PPIH: variants seen among roughly 807,000 people sequenced by gnomAD.
PPIH encodes peptidylprolyl isomerase H.
A neutral mutation model predicts 27.6 loss-of-function variants in PPIH; 16 were observed. The ratio of observed to expected loss-of-function variants is 0.58; its 90% CI spans 0.39 to 0.88. The LOEUF (loss-of-function observed/expected upper bound fraction) is 0.88, where lower values mean the gene tolerates loss of function less well. PPIH is among the 40% of genes least tolerant of loss of function. The pLI is 0.00. For synonymous variants in PPIH, 63 were observed against 76.1 expected (o/e 0.83, Z 0.90); for missense variants, 155 against 224.1 (o/e 0.69, Z 1.97).
chr1:42,661,976 C>T (rs1397947578), intron 5 of PPIH, among the ~76,000 whole-genome samples: 2 of 152,148 alleles, frequency 1.3e-5, no homozygotes, highest in African/African-American at 2.4e-5. Context: ...ATATCTTTGC[C>T]ATTTCACCAG....
At chr1:42,672,620 G>A (rs886586953) in intron 9 of PPIH, among the ~76,000 whole-genome samples, 1 of 151,812 alleles carries the variant, frequency 6.6e-6, no homozygotes, top group Non-Finnish European at 1.5e-5. Flanking sequence ...TTCTGACTTT[G>A]GTTTTAGTGA....
At chr1:42,669,869 G>A (rs969636426) in intron 9 of PPIH, among the ~76,000 whole-genome samples, 1 of 152,022 alleles carries the variant, frequency 6.6e-6, no homozygotes. Flanking sequence ...AGTCTTATTT[G>A]TACATTTATA....
chr1:42,673,906 TAAG>T (rs932138263), intron 9 of PPIH, among the ~76,000 whole-genome samples: 2 of 152,266 alleles, frequency 1.3e-5, no homozygotes, highest in African/African-American at 4.8e-5. Flanking sequence ...TTTGAATGAC[TAAG>T]GTTTAGGAAA....
rs191295669 is a variant in PPIH at position 42,671,209 on chromosome 1, G to A, written c.*21+3769G>A. ...TTTGGGAGGCCGAAGCAGGTGGATC[G>A]CTTGAGGCCAGGAGTTTGAGACCAG... On this transcript the variant is annotated intron_variant, in intron 9 of 9. Transcript: ENST00000304979. 3.6e-3 allele frequency among the ~76,000 whole-genome samples: 553 copies of A among 152,170 alleles called. 5 individuals carry two copies. Among genetic ancestry groups the A allele is most frequent in the African/African-American group, 0.013 (524 of 41,506 alleles).
chr1:42,671,407 G>A (rs1019640825), intron 9 of PPIH, among the ~76,000 whole-genome samples: 1 of 152,122 alleles, frequency 6.6e-6, no homozygotes, highest in Admixed American at 6.5e-5. Context: ...TAGCCTGGGC[G>A]ACAGAGCGAG....
intron 5 of PPIH, 85 bp downstream of exon 5, chr1:42,660,989 C>A: frequency 8.0e-7 from 1 of 1,252,162 alleles, no homozygotes; most frequent in Non-Finnish European, 1.2e-6. Flanking sequence ...CTACAGAGAC[C>A]CAGTCTTCAG....
At chr1:42,678,869 G>GGTAA (rs1318351068), downstream of PPIH, 1 of 152,256 alleles carries the variant, frequency 6.6e-6, no homozygotes, top group African/African-American at 2.4e-5. Flanking sequence ...TGACACTTGA[G>GGTAA]GTAAGTATTG....
At chr1:42,670,984 C>T (rs1365575920) in intron 9 of PPIH, among the ~76,000 whole-genome samples, 4 of 151,956 alleles carry the variant, frequency 2.6e-5, no homozygotes, top group African/African-American at 4.8e-5. Flanking sequence ...TTAGTAGAGA[C>T]GGGGTTTCAT....
chr1:42,663,541 C>G (rs1649165845), intron 5 of PPIH, among the ~76,000 whole-genome samples: 1 of 152,018 alleles, frequency 6.6e-6, no homozygotes, highest in Non-Finnish European at 1.5e-5. Flanking sequence ...GCTGGGATTA[C>G]AGGTACCACC....
At chr1:42,663,801 G>C (rs191047767) in intron 5 of PPIH, among the ~76,000 whole-genome samples, 1 of 152,138 alleles carries the variant, frequency 6.6e-6, no homozygotes, top group South Asian at 2.1e-4. Context: ...TATATTAATG[G>C]TAGTTCTTTT....
intron 9 of PPIH, among the ~76,000 whole-genome samples, chr1:42,674,750 A>G (rs901013356): frequency 6.6e-6 from 1 of 152,256 alleles, no homozygotes; most frequent in African/African-American, 2.4e-5. Context: ...GAGGTTTTAC[A>G]TGAAAATATG....
intron 5 of PPIH, among the ~76,000 whole-genome samples, chr1:42,664,411 A>G (rs748587863): frequency 1.3e-5 from 2 of 152,218 alleles, no homozygotes; most frequent in African/African-American, 4.8e-5. Context: ...AACTATGACC[A>G]GGAGGGTGGT....
At chr1:42,666,419 C>A (rs1024613640) in intron 7 of PPIH, 128 bp from the exon 8 acceptor site, 7 of 919,022 alleles carry the variant, frequency 7.6e-6, no homozygotes, top group Non-Finnish European at 1.2e-5. Context: ...AGTCATTTCA[C>A]CTCTACCGCA....
downstream of PPIH, among the ~76,000 whole-genome samples, chr1:42,680,869 T>C (rs1453585013): frequency 6.6e-6 from 1 of 152,252 alleles, no homozygotes; most frequent in Non-Finnish European, 1.5e-5. Flanking sequence ...TATTATTAAC[T>C]ATTTGGCTCT....
At chr1:42,673,387 A>T (rs1649739167) in intron 9 of PPIH, among the ~76,000 whole-genome samples, 1 of 152,228 alleles carries the variant, frequency 6.6e-6, no homozygotes, top group African/African-American at 2.4e-5. Flanking sequence ...TGCTACTTAC[A>T]TGGACATGGG....
At chr1:42,670,276 G>A (rs1437195470) in intron 9 of PPIH, among the ~76,000 whole-genome samples, 2 of 152,066 alleles carry the variant, frequency 1.3e-5, no homozygotes, top group Non-Finnish European at 2.9e-5. Context: ...CCTCTTCAAT[G>A]GCTGCTGGCC....
downstream of PPIH, among the ~76,000 whole-genome samples, chr1:42,677,384 A>C (rs1303470304): frequency 6.6e-6 from 1 of 152,176 alleles, no homozygotes; most frequent in Non-Finnish European, 1.5e-5. Context: ...AGGCACAAGA[A>C]TCGCTTGAAC....
At chr1:42,663,881 C>G (rs1649186837) in intron 5 of PPIH, among the ~76,000 whole-genome samples, 1 of 152,156 alleles carries the variant, frequency 6.6e-6, no homozygotes, top group African/African-American at 2.4e-5. Context: ...TTTCTCTTTA[C>G]TAACTGGCGA....
At chr1:42,675,890 C>A (rs948047854) in intron 9 of PPIH, among the ~76,000 whole-genome samples, 1 of 152,102 alleles carries the variant, frequency 6.6e-6, no homozygotes, top group African/African-American at 2.4e-5. Flanking sequence ...GGCTTTGGAG[C>A]CAAGTAGACC....
Sources: gnomAD v4.1 joint callset for allele counts (sites outside exome capture counted in the v4.1 genomes callset) on GRCh38, gnomAD v4.1.1 for gene constraint, MANE v1.5 for transcripts, NCBI Gene and HGNC (gene_info 2026-07-23, HGNC 2026-07-21) for gene names.